Variants in ZNF800 observed in about 807,000 individuals in gnomAD.
ZNF800 encodes zinc finger protein 800.
A neutral mutation model predicts 59.5 loss-of-function variants in ZNF800; 13 were observed. The observed-to-expected ratio is 0.22, with a 90% CI of 0.14 to 0.35. ZNF800 has a LOEUF of 0.35. Ranked by LOEUF, ZNF800 falls within the 10% of genes least tolerant of loss-of-function variation. The pLI is 1.00. For synonymous variants in ZNF800, 266 were observed against 265.7 expected (o/e 1.00, Z -0.01); for missense variants, 621 against 783.7 (o/e 0.79, Z 2.48).
intron 4 of ZNF800, among the ~76,000 whole-genome samples, chr7:127,376,942 C>T (rs542080113): frequency 6.6e-6 from 1 of 151,922 alleles, no homozygotes; most frequent in South Asian, 2.1e-4. Flanking sequence ...TAAATCTAAC[C>T]TCTTATATGT....
At chr7:127,345,305 C>A (rs199648145), downstream of ZNF800, among the ~76,000 whole-genome samples, 32 of 150,940 alleles carry the variant, frequency 2.1e-4, 2 homozygotes, top group East Asian at 2.1e-3. Flanking sequence ...ACCCCCCCCC[C>A]AAAGGTAAAT....
At chr7:127,387,536 C>G (rs1477694151) in intron 2 of ZNF800, among the ~76,000 whole-genome samples, 3 of 152,196 alleles carry the variant, frequency 2.0e-5, no homozygotes, top group African/African-American at 7.2e-5. Context: ...TTGGGACCAA[C>G]TCATTTCATT....
chr7:127,372,750 C>T (rs1468940892), intron 5 of ZNF800: 30 of 985,334 alleles, frequency 3.0e-5, no homozygotes, highest in Non-Finnish European at 3.5e-5. Context: ...CAACTTTCCC[C>T]CTTTGCCTGG....
rs1007858389 is a variant in ZNF800 at position 127,371,788 on chromosome 7, A to G, written c.*26T>C. 1 of 764,818 alleles carries G rather than the reference A, an allele frequency of 1.3e-6. No individual in the cohort carries two copies. The highest frequency in any genetic ancestry group is 1.4e-5 in the South Asian group (1 of 71,302). The allele number at this position is 764,818 out of a possible 1,614,324, so 47.4% of individuals were successfully genotyped here. ...GTCTTTCCACAAAAATGAACTCCAA[A>G]CCTTTTCGTACATCACTTGAAGTTA... On this transcript the variant is annotated 3_prime_UTR_variant, in exon 6 of 6. Coordinates refer to ENST00000265827, the MANE Select transcript of ZNF800 (RefSeq NM_176814.5).
intron 2 of ZNF800, among the ~76,000 whole-genome samples, chr7:127,389,739 C>A (rs1252447543): frequency 6.6e-6 from 1 of 152,002 alleles, no homozygotes; most frequent in Non-Finnish European, 1.5e-5. Flanking sequence ...TGAAAATTAA[C>A]CTGCATGGAA....
intron 5 of ZNF800, 33 bp downstream of exon 5, chr7:127,373,309 G>GA: frequency 6.5e-7 from 1 of 1,534,780 alleles, no homozygotes; most frequent in South Asian, 1.3e-5. Context: ...TCGATGGGGG[G>GA]AAAAAAGCAA....
chr7:127,359,877 T>C (rs1344860604), intron 1 of ZNF800: 1 of 148,780 alleles, frequency 6.7e-6, no homozygotes, highest in Non-Finnish European at 1.5e-5. Context: ...ACTTCTCTTA[T>C]AGAATAAGCA....
chr7:127,372,588 A>G (rs1800662005), intron 5 of ZNF800: 1 of 977,822 alleles, frequency 1.0e-6, no homozygotes, highest in African/African-American at 1.8e-5. Flanking sequence ...AATATTAACT[A>G]TGTTAAAATG....
At position 127,370,217 on chromosome 7, in the gene ZNF800, A is replaced by G. The variant is rs1800599107; in HGVS notation, c.*1597T>C. On this transcript the variant is annotated 3_prime_UTR_variant, in exon 6 of 6. Transcript: ENST00000265827. ...TAAATCTGTTTTTAAATTAAAGAGA[A>G]ATTATTACTCTATTTCTTAGAAATA... 1 of 152,186 alleles carries G rather than the reference A, an allele frequency of 6.6e-6. No individual in the cohort carries two copies. The highest frequency in any genetic ancestry group is 1.5e-5 in the Non-Finnish European group (1 of 68,006). The allele number at this position is 152,186 out of a possible 1,614,324, so 9.4% of individuals were successfully genotyped here. A position where few individuals can be genotyped will look rare whatever the true frequency, so the allele number is the denominator to read the frequency against.
chr7:127,368,267 T>C (rs560699331), downstream of ZNF800, among the ~76,000 whole-genome samples: 1 of 152,258 alleles, frequency 6.6e-6, no homozygotes, highest in Non-Finnish European at 1.5e-5. Context: ...TAATCTGCAT[T>C]CTACCATGTG....
chr7:127,359,600 T>C (rs1231060357), intron 1 of ZNF800, among the ~76,000 whole-genome samples: 1 of 152,158 alleles, frequency 6.6e-6, no homozygotes, highest in Non-Finnish European at 1.5e-5. Flanking sequence ...GCATGTGTAA[T>C]CTTCAGAGTT....
At chr7:127,364,751 C>G (rs1800469925) in intron 1 of ZNF800, 1 of 152,058 alleles carries the variant, frequency 6.6e-6, no homozygotes, top group African/African-American at 2.4e-5. Context: ...AGAAAAACAG[C>G]TCTTCCTCCA....
chr7:127,383,665 C>T (rs745701148), intron 3 of ZNF800, among the ~76,000 whole-genome samples: 3 of 152,182 alleles, frequency 2.0e-5, no homozygotes, highest in Non-Finnish European at 2.9e-5. Context: ...AGGGCTACCA[C>T]AGTAGACATT....
At chr7:127,375,087 C>T in intron 4 of ZNF800, 53 bp from the exon 5 acceptor site, 1 of 1,409,268 alleles carries the variant, frequency 7.1e-7, no homozygotes, top group Non-Finnish European at 9.4e-7. Flanking sequence ...TGCTGTAGCC[C>T]TCTAATATTT....
Position 127,383,946 on chromosome 7 carries a change from C to T in ZNF800, c.157+2114G>A, listed in dbSNP as rs569624242. On this transcript the variant is annotated intron_variant, in intron 3 of 5. Coordinates refer to ENST00000265827, the MANE Select transcript of ZNF800 (RefSeq NM_176814.5). ...AAAAGATCGCAGTTCAAAACATCAA[C>T]ATAAAATGGCTTTGGAATTTTACCA... Among the ~76,000 whole-genome samples the T allele has an allele frequency of 2.6e-5, 4 of 152,172 alleles. No homozygotes were observed. The East Asian group carries it at 5.8e-4, about 22-fold the overall frequency.
At chr7:127,364,405 C>T (rs546381423) in intron 1 of ZNF800, 1 of 152,214 alleles carries the variant, frequency 6.6e-6, no homozygotes, top group South Asian at 2.1e-4. Context: ...TTCGGTGAAT[C>T]AACCAGGATC....
chr7:127,345,621 A>G (rs1164452757), downstream of ZNF800, among the ~76,000 whole-genome samples: 1 of 152,210 alleles, frequency 6.6e-6, no homozygotes, highest in African/African-American at 2.4e-5. Flanking sequence ...TCGAGTGGGC[A>G]ATAAAGAGAG....
Position 127,375,009 on chromosome 7 carries a change from T to C in ZNF800, c.327A>G (p.Gln109=). ...CTAGGAGATCATTTATGGCTTGGCT[T>C]TGTTTATCATTTACATCAGGAAGGT... ...DDNLPDVNDK[Q]SQAINDLLEA... The change falls in exon 5 of 6, where the codon CAA becomes CAG. Residue 109 remains glutamine, a synonymous_variant. Coordinates refer to ENST00000265827, the MANE Select transcript of ZNF800 (RefSeq NM_176814.5). 6.3e-7 allele frequency: 1 copy of C among 1,588,258 alleles called. No homozygotes were observed. Among genetic ancestry groups the C allele is most frequent in the Non-Finnish European group, 8.6e-7 (1 of 1,169,258 alleles).
Position 127,374,486 on chromosome 7 carries a change from G to A in ZNF800, c.850C>T (p.Pro284Ser), listed in dbSNP as rs1375737261. 6.2e-7 allele frequency: 1 copy of A among 1,614,056 alleles called. No homozygotes were observed. Among genetic ancestry groups the A allele is most frequent in the Admixed American group, 1.7e-5 (1 of 59,998 alleles). Residue 284 changes from proline to serine, a missense_variant, in exon 5 of 6, where the codon CCA becomes TCA. Coordinates refer to ENST00000265827, the MANE Select transcript of ZNF800 (RefSeq NM_176814.5). ...SKGRSKNVLV[P>S]LSRSCPVCCK... The stretch of plus-strand genomic sequence containing the variant: ...CATACTGGACAACTCCTACTTAATG[G>A]AACTAGAACATTCTTACTGCGTCCT...
Sources: allele counts gnomAD v4.1 joint callset (sites outside exome capture counted in the v4.1 genomes callset), GRCh38; gene constraint gnomAD v4.1.1; transcripts MANE v1.5; gene names NCBI Gene and HGNC (gene_info 2026-07-23, HGNC 2026-07-21).